CDH18: variants seen among roughly 807,000 people sequenced by gnomAD.
CDH18 encodes cadherin-18.
Under a neutral mutation model 67.9 loss-of-function variants are expected in CDH18, and 31 were observed. The ratio of observed to expected loss-of-function variants is 0.46; its 90% confidence interval spans 0.34 to 0.62. The LOEUF is 0.62. Ranked by LOEUF, CDH18 falls within the 20% of genes least tolerant of loss-of-function variation. The pLI is 0.01. For synonymous variants in CDH18, 362 were observed against 347.2 expected, an observed-to-expected ratio of 1.04 and a Z score of -0.48; for missense variants, 890 against 975.5, an observed-to-expected ratio of 0.91 and a Z score of 1.17.
intron 1 of CDH18, among the ~76,000 whole-genome samples, chr5:20,376,927 G>A (rs1429891094): frequency 6.6e-6 from 1 of 151,644 alleles, no homozygotes; most frequent in African/African-American, 2.4e-5. Flanking sequence ...TGAGGCAGGA[G>A]AATTGCTTGA....
intron 2 of CDH18, among the ~76,000 whole-genome samples, chr5:19,952,533 C>T (rs1016550326): frequency 9.2e-5 from 14 of 152,078 alleles, no homozygotes; most frequent in Non-Finnish European, 1.6e-4. Context: ...CCTTATGTGT[C>T]CTTCTTCCTA....
intron 1 of CDH18, among the ~76,000 whole-genome samples, chr5:20,300,991 G>T (rs1046934752): frequency 2.0e-5 from 3 of 152,074 alleles, no homozygotes; most frequent in Admixed American, 2.0e-4. Flanking sequence ...TGAACTAGAA[G>T]AATTTCTTTG....
chr5:19,509,484 T>C (rs1744783612), intron 10 of CDH18, among the ~76,000 whole-genome samples: 1 of 152,166 alleles, frequency 6.6e-6, no homozygotes, highest in Non-Finnish European at 1.5e-5. Flanking sequence ...AGTCAATGCA[T>C]CTGCTTCATA....
chr5:19,789,855 G>A (rs905677963), intron 3 of CDH18, among the ~76,000 whole-genome samples: 1 of 151,522 alleles, frequency 6.6e-6, no homozygotes, highest in Non-Finnish European at 1.5e-5. Flanking sequence ...TTACATATAT[G>A]AATAATAAAT....
chr5:19,984,364 T>G (rs1799357449), intron 1 of CDH18, among the ~76,000 whole-genome samples: 1 of 152,220 alleles, frequency 6.6e-6, no homozygotes, highest in East Asian at 1.9e-4. Context: ...ATTTTTATAA[T>G]AAATTTTAAA....
chr5:20,225,851 A>G (rs1401469632), intron 2 of CDH18, among the ~76,000 whole-genome samples: 1 of 152,132 alleles, frequency 6.6e-6, no homozygotes, highest in Non-Finnish European at 1.5e-5. Context: ...AAGCTCCAGT[A>G]GAGGGGATTT....
chr5:20,465,833 C>T lies in CDH18; in HGVS notation c.-580+109629G>A, dbSNP rs76767330. Among the ~76,000 whole-genome samples the T allele has an allele frequency of 2.2e-4, 34 of 151,998 alleles. No individual in the cohort carries two copies. The East Asian group carries it at 6.6e-3, about 29-fold the overall frequency. On this transcript the variant is annotated intron_variant, in intron 1 of 14. Transcript: ENST00000507958. ...TTAATGTAAATTAAAATACAGTCATCGCAACGCTCTGTAAGACAATAAAAT... is the reference window on the plus strand; with the variant it reads ...TTAATGTAAATTAAAATACAGTCATTGCAACGCTCTGTAAGACAATAAAAT...
intron 2 of CDH18, among the ~76,000 whole-genome samples, chr5:20,153,459 T>G (rs1580358917): frequency 6.6e-6 from 1 of 152,290 alleles, no homozygotes; most frequent in Non-Finnish European, 1.5e-5. Context: ...TGACATGCAT[T>G]AAACACTTAC....
intron 3 of CDH18, among the ~76,000 whole-genome samples, chr5:19,831,786 A>C (rs1781060892): frequency 6.6e-6 from 1 of 152,190 alleles, no homozygotes; most frequent in South Asian, 2.1e-4. Flanking sequence ...TTGTTCTAAC[A>C]AAAAGACAAA....
chr5:20,469,278 C>T (rs907951551), intron 1 of CDH18, among the ~76,000 whole-genome samples: 1 of 152,136 alleles, frequency 6.6e-6, no homozygotes, highest in South Asian at 2.1e-4. Flanking sequence ...TCTGGGTAAA[C>T]TCATTTATTC....
intron 2 of CDH18, among the ~76,000 whole-genome samples, chr5:19,929,171 C>T (rs991113467): frequency 3.6e-4 from 55 of 152,014 alleles, no homozygotes; most frequent in African/African-American, 1.2e-3. Flanking sequence ...CTGGCCCTGA[C>T]TCATCTTCGT....
chr5:19,771,670 A>G (rs925371804), intron 3 of CDH18, among the ~76,000 whole-genome samples: 12 of 152,296 alleles, frequency 7.9e-5, no homozygotes, highest in African/African-American at 2.9e-4. Context: ...AGTATTGGGG[A>G]AATAATAAAT....
chr5:20,138,190 A>G (rs530654068), intron 2 of CDH18, among the ~76,000 whole-genome samples: 4 of 152,304 alleles, frequency 2.6e-5, no homozygotes, highest in African/African-American at 9.6e-5. Flanking sequence ...AATCCAGCAT[A>G]TAAACAGAAC....
At chr5:19,582,591 A>T (rs1251078940) in intron 7 of CDH18, among the ~76,000 whole-genome samples, 2 of 152,098 alleles carry the variant, frequency 1.3e-5, no homozygotes, top group Admixed American at 1.3e-4. Context: ...CAGACTTTAG[A>T]ACCTTATAAG....
chr5:20,160,837 A>AG (rs1208046533), intron 2 of CDH18, among the ~76,000 whole-genome samples: 1 of 152,244 alleles, frequency 6.6e-6, no homozygotes, highest in African/African-American at 2.4e-5. Flanking sequence ...TGCAGGCTGC[A>AG]GGCCAAATTA....
At chr5:20,410,735 G>T (rs1010927955) in intron 1 of CDH18, among the ~76,000 whole-genome samples, 2 of 151,736 alleles carry the variant, frequency 1.3e-5, no homozygotes, top group African/African-American at 2.4e-5. Flanking sequence ...CAAATGCCAT[G>T]ATTTTATATG....
intron 5 of CDH18, among the ~76,000 whole-genome samples, chr5:19,677,404 G>T (rs1402597989): frequency 1.3e-5 from 2 of 152,026 alleles, no homozygotes; most frequent in Non-Finnish European, 2.9e-5. Flanking sequence ...GATCCTTAAA[G>T]GAGTACTAAA....
intron 5 of CDH18, among the ~76,000 whole-genome samples, chr5:19,629,472 G>A (rs72739146): frequency 2.0e-5 from 3 of 152,014 alleles, no homozygotes; most frequent in African/African-American, 7.2e-5. Flanking sequence ...TGAAGAAAGG[G>A]CCACTTATTA....
chr5:20,076,554 A>C (rs1743957334), intron 2 of CDH18, among the ~76,000 whole-genome samples: 1 of 152,116 alleles, frequency 6.6e-6, no homozygotes, highest in African/African-American at 2.4e-5. Context: ...CAAAAAAAAA[A>C]AGGCAGACCA....
Sources: gnomAD v4.1 joint callset for allele counts (sites outside exome capture counted in the v4.1 genomes callset) on GRCh38, gnomAD v4.1.1 for gene constraint, MANE v1.5 for transcripts, NCBI Gene and HGNC (gene_info 2026-07-23, HGNC 2026-07-21) for gene names.